The following RNFT2 variants were observed in gnomAD, a reference collection of about 807,000 sequenced individuals.
RNFT2 encodes ring finger protein, transmembrane 2, also known as E3 ubiquitin-protein ligase RNFT2.
In RNFT2, 36 loss-of-function variants were observed where a neutral mutation model predicts 53.0. The observed-to-expected ratio is 0.68, with a 90% CI of 0.52 to 0.90. The LOEUF is 0.90. Ranked by LOEUF, RNFT2 falls within the 40% of genes least tolerant of loss-of-function variation. The probability of loss-of-function intolerance (pLI) is 0.00; values close to 1 mark genes in which losing one functional copy is unlikely to be tolerated. For synonymous variants in RNFT2, 260 were observed against 253.2 expected (o/e 1.03, Z -0.26); for missense variants, 514 against 585.6 (o/e 0.88, Z 1.26).
chr12:116,830,858 T>C (rs562632952), intron 7 of RNFT2, among the ~76,000 whole-genome samples: 4 of 151,390 alleles, frequency 2.6e-5, no homozygotes, highest in East Asian at 2.0e-4. Flanking sequence ...GAGCTGAGAT[T>C]GTGCCACTGC....
intron 7 of RNFT2, among the ~76,000 whole-genome samples, chr12:116,795,134 G>T (rs189383667): frequency 6.6e-6 from 1 of 151,068 alleles, no homozygotes; most frequent in Non-Finnish European, 1.5e-5. Context: ...GGCCGGGCCC[G>T]GTGGCTCATG....
chr12:116,819,797 C>T (rs1875912357), intron 7 of RNFT2, among the ~76,000 whole-genome samples: 1 of 152,176 alleles, frequency 6.6e-6, no homozygotes, highest in Non-Finnish European at 1.5e-5. Context: ...TTATAAAGCT[C>T]AGTGGATTTT....
At chr12:116,832,619 T>C (rs938542509) in intron 7 of RNFT2, among the ~76,000 whole-genome samples, 1 of 152,190 alleles carries the variant, frequency 6.6e-6, no homozygotes, top group Non-Finnish European at 1.5e-5. Context: ...TATTCAACTT[T>C]ATTAGACACT....
At chr12:116,792,749 G>A (rs910364901) in intron 7 of RNFT2, among the ~76,000 whole-genome samples, 2 of 152,130 alleles carry the variant, frequency 1.3e-5, no homozygotes, top group African/African-American at 2.4e-5. Context: ...CTGTGGAGAA[G>A]AAAAGGATGG....
At chr12:116,800,152 C>G (rs996596640) in intron 7 of RNFT2, among the ~76,000 whole-genome samples, 1 of 152,140 alleles carries the variant, frequency 6.6e-6, no homozygotes, top group African/African-American at 2.4e-5. Flanking sequence ...GCCATGCTCC[C>G]CCTACAGTCT....
intron 5 of RNFT2, 60 bp from the exon 6 acceptor site, chr12:116,766,754 A>C: frequency 7.6e-7 from 1 of 1,307,630 alleles, no homozygotes; most frequent in Non-Finnish European, 1.1e-6. Context: ...ATCAGGGTAC[A>C]TTCTGGAAGG....
chr12:116,759,926 A>G (rs750963535), intron 5 of RNFT2, among the ~76,000 whole-genome samples: 1 of 152,092 alleles, frequency 6.6e-6, no homozygotes, highest in Non-Finnish European at 1.5e-5. Context: ...TCGAGTTTCT[A>G]TGGCCTTTGT....
At chr12:116,791,265 A>G (rs1474123648) in intron 7 of RNFT2, among the ~76,000 whole-genome samples, 1 of 152,148 alleles carries the variant, frequency 6.6e-6, no homozygotes, top group Admixed American at 6.5e-5. Flanking sequence ...ATGCCGTGCT[A>G]TGTTTTCGAG....
intron 6 of RNFT2, among the ~76,000 whole-genome samples, chr12:116,773,242 G>A (rs1424542726): frequency 3.9e-5 from 6 of 152,138 alleles, no homozygotes; most frequent in South Asian, 2.1e-4. Context: ...GATTACAGGC[G>A]TGAGCCACCA....
chr12:116,852,877 AC>A lies in RNFT2; in HGVS notation c.*3433del, dbSNP rs1405431959. 1.5e-6 allele frequency: 1 copy of A among 651,960 alleles called. No individual in the cohort carries two copies. The allele number at this position is 651,960 out of a possible 1,614,324, so 40.4% of individuals were successfully genotyped here. ...CTAACAATGTAGGTTACTAGTGAAT[AC>A]CCCAATGGTTTCTCCAATTATGCCC... On this transcript the variant is annotated 3_prime_UTR_variant, in exon 11 of 11. Coordinates refer to ENST00000257575, the MANE Select transcript of RNFT2 (RefSeq NM_001382266.1).
chr12:116,812,356 G>A (rs1399430457), intron 7 of RNFT2, among the ~76,000 whole-genome samples: 1 of 152,098 alleles, frequency 6.6e-6, no homozygotes, highest in Non-Finnish European at 1.5e-5. Flanking sequence ...GGCAGAGGAC[G>A]GGGATGGCAG....
chr12:116,820,004 T>G (rs1303960106), intron 7 of RNFT2, among the ~76,000 whole-genome samples: 1 of 152,246 alleles, frequency 6.6e-6, no homozygotes, highest in East Asian at 1.9e-4. Context: ...GTAATCAACA[T>G]AAAATTTTTA....
chr12:116,740,640 C>G, intron 2 of RNFT2, 119 bp downstream of exon 2: 1 of 922,728 alleles, frequency 1.1e-6, no homozygotes, highest in Non-Finnish European at 1.7e-6. Flanking sequence ...GAATCTGAAC[C>G]CACAGAGGGG....
intron 4 of RNFT2, among the ~76,000 whole-genome samples, chr12:116,750,871 A>ATT (rs1254121746): frequency 9.0e-4 from 3 of 3,350 alleles, no homozygotes; most frequent in African/African-American, 2.9e-3. Context: ...ATATATATAT[A>ATT]ATATATATAT....
At chr12:116,840,760 G>T (rs903929560) in intron 10 of RNFT2, among the ~76,000 whole-genome samples, 2 of 152,146 alleles carry the variant, frequency 1.3e-5, no homozygotes, top group African/African-American at 2.4e-5. Flanking sequence ...CAGCTTGTAG[G>T]ACTTTTTTAA....
At chr12:116,826,583 A>G (rs1876350051) in intron 7 of RNFT2, among the ~76,000 whole-genome samples, 1 of 152,168 alleles carries the variant, frequency 6.6e-6, no homozygotes, top group Non-Finnish European at 1.5e-5. Flanking sequence ...TCCTTTTCAA[A>G]GTGGCCCACC....
chr12:116,819,251 G>T (rs1875856264), intron 7 of RNFT2, among the ~76,000 whole-genome samples: 1 of 152,354 alleles, frequency 6.6e-6, no homozygotes, highest in Admixed American at 6.5e-5. Flanking sequence ...GCAAAGATGC[G>T]TCAAAAGGAT....
chr12:116,798,951 C>T (rs1032269915), intron 7 of RNFT2, among the ~76,000 whole-genome samples: 2 of 152,120 alleles, frequency 1.3e-5, no homozygotes, highest in Non-Finnish European at 2.9e-5. Flanking sequence ...TTAGAAAACA[C>T]TCATTTATGA....
intron 5 of RNFT2, 25 bp downstream of exon 5, chr12:116,754,085 C>CAA: frequency 6.3e-7 from 1 of 1,589,242 alleles, no homozygotes; most frequent in Non-Finnish European, 8.6e-7. Context: ...GACCTAGTCT[C>CAA]CTGTGGCTGC....
Sources: gnomAD v4.1 joint callset for allele counts (sites outside exome capture counted in the v4.1 genomes callset) on GRCh38, gnomAD v4.1.1 for gene constraint, MANE v1.5 for transcripts, NCBI Gene and HGNC (gene_info 2026-07-23, HGNC 2026-07-21) for gene names.